Variants in RSU1 observed in about 807,000 individuals in gnomAD.
RSU1 encodes the protein rsu-1.
RSU1 carries 26 observed loss-of-function variants against 31.1 expected under a neutral mutation model. The ratio of observed to expected loss-of-function variants is 0.84; its 90% CI spans 0.61 to 1.16. RSU1 has a LOEUF of 1.16. RSU1 is among the 50% of genes most tolerant of loss of function. The pLI is 0.00. For synonymous variants in RSU1, 164 were observed against 136.3 expected (o/e 1.20, Z -1.41); for missense variants, 320 against 339.1 (o/e 0.94, Z 0.44).
Position 16,593,475 on chromosome 10 carries a change from C to T in RSU1, c.753G>A (p.Gln251=). The change falls in exon 9 of 9, where the codon CAG becomes CAA. Residue 251 remains glutamine, a synonymous_variant. Transcript: ENST00000345264. Reference sequence around the variant, plus strand: ...TCTTCTTCGGTGGTTCTGGGTTGGCCTGCATGTGTCTGCCGTAGAGGCTGC... The same window carrying T: ...TCTTCTTCGGTGGTTCTGGGTTGGCTTGCATGTGTCTGCCGTAGAGGCTGC... ...TYKYLYGRHM[Q]ANPEPPKKNN... The T allele has an allele frequency of 6.2e-7, 1 of 1,613,996 alleles. No individual in the cohort carries two copies. The highest frequency in any genetic ancestry group is 8.5e-7 in the Non-Finnish European group (1 of 1,179,956).
chr10:16,768,831 G>A (rs1334896698), intron 3 of RSU1, among the ~76,000 whole-genome samples: 1 of 152,190 alleles, frequency 6.6e-6, no homozygotes, highest in Non-Finnish European at 1.5e-5. Flanking sequence ...TCCACAAGCA[G>A]CCCAAAGTGC....
intron 7 of RSU1, among the ~76,000 whole-genome samples, chr10:16,718,975 T>G (rs1836199685): frequency 1.5e-5 from 2 of 134,862 alleles, no homozygotes; most frequent in Non-Finnish European, 1.6e-5. Flanking sequence ...AGAGTGAAAC[T>G]TCATCTCAAA....
chr10:16,790,618 G>A (rs1455420004), intron 2 of RSU1, among the ~76,000 whole-genome samples: 3 of 152,178 alleles, frequency 2.0e-5, no homozygotes, highest in Non-Finnish European at 4.4e-5. Context: ...AACAGGGAAG[G>A]CATATGATAG....
intron 3 of RSU1, among the ~76,000 whole-genome samples, chr10:16,775,079 C>G (rs1212165849): frequency 2.0e-5 from 3 of 152,130 alleles, no homozygotes; most frequent in Non-Finnish European, 4.4e-5. Context: ...AGATGCTCTA[C>G]AAGAATGTAT....
At chr10:16,641,108 G>A (rs1029478358) in intron 8 of RSU1, among the ~76,000 whole-genome samples, 1 of 152,142 alleles carries the variant, frequency 6.6e-6, no homozygotes, top group African/African-American at 2.4e-5. Flanking sequence ...CATGGCACAC[G>A]TTTACCTATG....
intron 7 of RSU1, among the ~76,000 whole-genome samples, chr10:16,722,317 G>A (rs1208875179): frequency 6.6e-6 from 1 of 152,136 alleles, no homozygotes; most frequent in Non-Finnish European, 1.5e-5. Flanking sequence ...AATGAGGTGG[G>A]AATATTGTTT....
At chr10:16,812,025 ACT>A (rs1161556688) in intron 2 of RSU1, among the ~76,000 whole-genome samples, 2 of 152,228 alleles carry the variant, frequency 1.3e-5, no homozygotes, top group Admixed American at 1.3e-4. Flanking sequence ...ACAAGCACTA[ACT>A]GACAAGGGGG....
chr10:16,674,316 G>A (rs750355145), intron 8 of RSU1, among the ~76,000 whole-genome samples: 11 of 152,032 alleles, frequency 7.2e-5, no homozygotes, highest in Non-Finnish European at 1.3e-4. Flanking sequence ...TGATGGAAGT[G>A]GCAGTAATAA....
intron 7 of RSU1, among the ~76,000 whole-genome samples, chr10:16,715,279 T>C (rs1035146967): frequency 6.6e-6 from 1 of 152,236 alleles, no homozygotes; most frequent in Non-Finnish European, 1.5e-5. Context: ...TGATGTTGTC[T>C]TTTGATGCAC....
intron 8 of RSU1, among the ~76,000 whole-genome samples, chr10:16,656,070 T>C (rs1215261532): frequency 6.6e-6 from 1 of 152,160 alleles, no homozygotes; most frequent in Non-Finnish European, 1.5e-5. Context: ...TAATAAATTA[T>C]TGAAATTTAC....
chr10:16,720,139 T>C (rs1303618944), intron 7 of RSU1, among the ~76,000 whole-genome samples: 2 of 152,222 alleles, frequency 1.3e-5, no homozygotes, highest in African/African-American at 4.8e-5. Context: ...CTCTTTCCAA[T>C]CTTTCCTTTT....
chr10:16,739,553 C>T (rs1836712005), intron 7 of RSU1, among the ~76,000 whole-genome samples: 1 of 144,630 alleles, frequency 6.9e-6, no homozygotes, highest in Admixed American at 7.3e-5. Flanking sequence ...TCACTGCAAG[C>T]TCCGGCTCCC....
At position 16,757,069 on chromosome 10, in the gene RSU1, ATGTG is replaced by A. The variant is rs1837106428; in HGVS notation, c.282-2084_282-2081del. Among the ~76,000 whole-genome samples the A allele has an allele frequency of 3.5e-5, 5 of 141,620 alleles. No individual in the cohort carries two copies. The South Asian group carries it at 1.1e-3, about 32-fold the overall frequency. 92.9% of individuals were successfully genotyped at this position (141,620 alleles called of 152,430 possible). ...GTGTGTGGGTGTGTTTGTACACGGT[ATGTG>A]TGTGTGCTGTGGGTGTGGTGCGTGT... is the stretch of plus-strand genomic sequence containing the variant. On this transcript the variant is annotated intron_variant, in intron 4 of 8. Coordinates refer to ENST00000345264, the MANE Select transcript of RSU1 (RefSeq NM_012425.4).
At chr10:16,798,305 C>A (rs1190890979) in intron 2 of RSU1, among the ~76,000 whole-genome samples, 1 of 152,156 alleles carries the variant, frequency 6.6e-6, no homozygotes, top group Non-Finnish European at 1.5e-5. Flanking sequence ...AAAATACTTT[C>A]TTGAAATAAA....
intron 2 of RSU1, among the ~76,000 whole-genome samples, chr10:16,806,955 T>A (rs780797070): frequency 6.6e-6 from 1 of 152,200 alleles, no homozygotes. Context: ...GGTTTCACCA[T>A]GTTGGCCAGG....
intron 2 of RSU1, among the ~76,000 whole-genome samples, chr10:16,788,449 A>G (rs1180732704): frequency 6.6e-6 from 1 of 152,170 alleles, no homozygotes; most frequent in Admixed American, 6.5e-5. Flanking sequence ...TCATAAGAGG[A>G]GACATGTGAG....
At chr10:16,754,159 G>A (rs1837035142) in intron 5 of RSU1, among the ~76,000 whole-genome samples, 1 of 152,174 alleles carries the variant, frequency 6.6e-6, no homozygotes, top group Non-Finnish European at 1.5e-5. Context: ...TTAGAGATCA[G>A]CTCTGAAAAT....
chr10:16,773,959 C>T (rs1257127176), intron 3 of RSU1, among the ~76,000 whole-genome samples: 2 of 151,942 alleles, frequency 1.3e-5, no homozygotes, highest in Non-Finnish European at 2.9e-5. Context: ...AAAAATTAGA[C>T]AAAAGAGGGT....
intron 8 of RSU1, among the ~76,000 whole-genome samples, chr10:16,604,812 C>A (rs539040547): frequency 2.0e-5 from 3 of 152,084 alleles, no homozygotes; most frequent in Non-Finnish European, 2.9e-5. Flanking sequence ...CCCTGGGTGC[C>A]GTAACTGGTT....
Sources: gnomAD v4.1 joint callset for allele counts (sites outside exome capture counted in the v4.1 genomes callset) on GRCh38, gnomAD v4.1.1 for gene constraint, MANE v1.5 for transcripts, NCBI Gene and HGNC (gene_info 2026-07-23, HGNC 2026-07-21) for gene names.